The following SGCE variants were observed in gnomAD, a reference collection of about 807,000 sequenced individuals.
SGCE encodes sarcoglycan epsilon, also known as epsilon-sarcoglycan.
In SGCE, 26 loss-of-function variants were observed where a neutral mutation model predicts 57.8. That is an observed-to-expected ratio of 0.45 (90% CI 0.33 to 0.62). The LOEUF is 0.62. Among genes scored for constraint, SGCE ranks in the 20% least tolerant of loss-of-function variants. SGCE has a pLI of 0.02. For missense variants in SGCE, 468 were observed against 548.6 expected, an observed-to-expected ratio of 0.85 and a Z score of 1.47; for synonymous variants, 183 against 189.5, an observed-to-expected ratio of 0.97 and a Z score of 0.28.
intron 5 of SGCE, among the ~76,000 whole-genome samples, chr7:94,608,657 A>T (rs1800531898): frequency 6.6e-6 from 1 of 152,194 alleles, no homozygotes; most frequent in Non-Finnish European, 1.5e-5. Flanking sequence ...GACTGACACT[A>T]CCCAACATCA....
In SGCE at chr7:94,654,033, A is replaced by G. The variant is rs539620470; in HGVS notation, c.109+1957T>C. Among the ~76,000 whole-genome samples, 4 of 152,218 alleles carry G rather than the reference A, an allele frequency of 2.6e-5. No individual in the cohort carries two copies. The East Asian group carries it at 7.7e-4, about 29-fold the overall frequency. On this transcript the variant is annotated intron_variant, in intron 1 of 10. Transcript: ENST00000648936. ...CAATCCTATGAAAAATATTTATTGT[A>G]TAGCTACCTATATATGCATAGAGAA... is the stretch of plus-strand genomic sequence containing the variant.
chr7:94,596,431 A>G (rs1798408897), intron 9 of SGCE, among the ~76,000 whole-genome samples: 1 of 152,134 alleles, frequency 6.6e-6, no homozygotes, highest in African/African-American at 2.4e-5. Context: ...CCTACTCATT[A>G]TAACTAGTTT....
At chr7:94,618,609 G>GA (rs1802293402) in intron 5 of SGCE, 149 bp downstream of exon 5, 1 of 649,746 alleles carries the variant, frequency 1.5e-6, no homozygotes, top group Non-Finnish European at 2.6e-6. Flanking sequence ...TGCCAATATA[G>GA]AAAATTACTA....
chr7:94,597,658 A>G (rs140531898), intron 9 of SGCE: 8 of 152,254 alleles, frequency 5.3e-5, no homozygotes, highest in African/African-American at 1.2e-4. Context: ...TCAAAAGCCA[A>G]CTTCATGACT....
At chr7:94,588,186 T>G in intron 10 of SGCE, 1 of 1,079,688 alleles carries the variant, frequency 9.3e-7, no homozygotes, top group Non-Finnish European at 1.1e-6. Flanking sequence ...CCAAGGAGAA[T>G]TGTCCGCCAT....
In SGCE at chr7:94,585,034, G is replaced by C. The variant is rs1796736218; in HGVS notation, c.*465C>G. ...GTATATAAAACAACAGGATTTACAG[G>C]CCACAAGAGTTAAAGTATTATTTAA... On this transcript the variant is annotated 3_prime_UTR_variant, in exon 11 of 11. Transcript: ENST00000648936. 1 of 156,524 alleles carries C rather than the reference G, an allele frequency of 6.4e-6. No individual in the cohort carries two copies. Among genetic ancestry groups the C allele is most frequent in the Non-Finnish European group, 1.4e-5 (1 of 70,866 alleles). 9.7% of individuals were successfully genotyped at this position (156,524 alleles called of 1,614,324 possible).
intron 5 of SGCE, among the ~76,000 whole-genome samples, chr7:94,615,978 AAAATGAATCTTTTCAG>A (rs1801873454): frequency 6.6e-6 from 1 of 152,236 alleles, no homozygotes; most frequent in South Asian, 2.1e-4. Context: ...CTGGCAAGTG[AAAATGAATCTTTTCAG>A]AGGGCTCAGC....
At chr7:94,610,739 A>T (rs927624345) in intron 5 of SGCE, among the ~76,000 whole-genome samples, 2 of 152,202 alleles carry the variant, frequency 1.3e-5, no homozygotes, top group African/African-American at 4.8e-5. Context: ...GGAGAAAATA[A>T]CTGCAAATCA....
At chr7:94,639,459 T>C (rs1806074498) in intron 1 of SGCE, 2 of 1,464,112 alleles carry the variant, frequency 1.4e-6, no homozygotes, top group South Asian at 2.5e-5. Flanking sequence ...CTTTTCAGAA[T>C]AAAACAAATG....
chr7:94,639,343 T>C, intron 1 of SGCE: 1 of 1,522,436 alleles, frequency 6.6e-7, no homozygotes, highest in South Asian at 1.2e-5. Flanking sequence ...AAACTCACCA[T>C]CTTTCATCCC....
Position 94,618,839 on chromosome 7 carries a change from T to C in SGCE, c.581A>G (p.Glu194Gly), listed in dbSNP as rs1260722034. ...TGTGATGTTTATGGCGTTCAGGCGC[T>C]CTGGCTGCCACACATTTTTCACTGC... ...LGAVKNVWQP[E>G]RLNAINITSA... Residue 194 changes from glutamate to glycine, a missense_variant, in exon 5 of 11, where the codon GAG becomes GGG. Glu to Gly is a moderately conservative substitution (Grantham distance 98). Transcript: ENST00000648936. 2.5e-6 allele frequency: 4 copies of C among 1,614,074 alleles called. No individual in the cohort carries two copies. Among genetic ancestry groups the C allele is most frequent in the Non-Finnish European group, 3.4e-6 (4 of 1,179,976 alleles).
chr7:94,648,806 A>G (rs997609141), intron 1 of SGCE, among the ~76,000 whole-genome samples: 2 of 152,230 alleles, frequency 1.3e-5, no homozygotes, highest in Non-Finnish European at 2.9e-5. Context: ...TTGCTTTCCA[A>G]GGTAAAAGAG....
chr7:94,595,893 G>A (rs1798326729), intron 9 of SGCE, among the ~76,000 whole-genome samples: 2 of 152,028 alleles, frequency 1.3e-5, no homozygotes. Context: ...ACTCAACACT[G>A]AAACGACACC....
At chr7:94,588,412 AC>A in intron 10 of SGCE, 12 of 1,226,790 alleles carry the variant, frequency 9.8e-6, no homozygotes, top group Non-Finnish European at 1.2e-5. Context: ...AGGGAACTTC[AC>A]TGAAGGAAAG....
intron 9 of SGCE, among the ~76,000 whole-genome samples, chr7:94,596,981 G>A (rs962960855): frequency 6.6e-6 from 1 of 151,868 alleles, no homozygotes; most frequent in Non-Finnish European, 1.5e-5. Flanking sequence ...AAAGGGATAA[G>A]AGGTTGTTAA....
chr7:94,586,929 TAAC>T, intron 10 of SGCE: 1 of 982,912 alleles, frequency 1.0e-6, no homozygotes, highest in Non-Finnish European at 1.2e-6. Context: ...AATAAAACAA[TAAC>T]AACAAAACAA....
At chr7:94,615,625 G>A (rs985943579) in intron 5 of SGCE, among the ~76,000 whole-genome samples, 2 of 152,152 alleles carry the variant, frequency 1.3e-5, no homozygotes, top group African/African-American at 4.8e-5. Flanking sequence ...AGATGGTCTA[G>A]AGAATAAAAT....
intron 1 of SGCE, chr7:94,639,545 T>G: frequency 1.4e-6 from 1 of 710,434 alleles, no homozygotes; most frequent in Non-Finnish European, 2.4e-6. Flanking sequence ...TGGGATCAGA[T>G]TCCTTCCAGC....
At chr7:94,598,512 G>T in intron 9 of SGCE, 2 of 419,514 alleles carry the variant, frequency 4.8e-6, no homozygotes, top group South Asian at 2.9e-5. Context: ...ATGTAATGTT[G>T]AGTTTAATAT....
Sources: allele counts gnomAD v4.1 joint callset (sites outside exome capture counted in the v4.1 genomes callset), GRCh38; gene constraint gnomAD v4.1.1; transcripts MANE v1.5; gene names NCBI Gene and HGNC (gene_info 2026-07-23, HGNC 2026-07-21).